Variants in PCDHGA5 observed in about 807,000 individuals in gnomAD.
PCDHGA5 encodes protocadherin gamma-A5.
PCDHGA5 carries 36 observed loss-of-function variants against 56.7 expected under a neutral mutation model. The ratio of observed to expected loss-of-function variants is 0.64; its 90% CI spans 0.49 to 0.84. The LOEUF (loss-of-function observed/expected upper bound fraction) is 0.84, where lower values mean the gene tolerates loss of function less well. Ranked by LOEUF, PCDHGA5 falls within the 40% of genes least tolerant of loss-of-function variation. The pLI is 0.00. For missense variants in PCDHGA5, 1,305 were observed against 1,201.5 expected (o/e 1.09, Z -1.27); for synonymous variants, 563 against 520.2 (o/e 1.08, Z -1.12).
rs1472806327 is a variant in PCDHGA5 at position 141,447,891 on chromosome 5, G to C, written c.2422-46916G>C. Among the ~76,000 whole-genome samples the C allele has an allele frequency of 1.3e-5, 2 of 152,080 alleles. 1 individual carries two copies. Among genetic ancestry groups the C allele is most frequent in the African/African-American group, 4.8e-5 (2 of 41,408 alleles). On this transcript the variant is annotated intron_variant, in intron 1 of 3. Coordinates refer to ENST00000518069, the MANE Select transcript of PCDHGA5 (RefSeq NM_018918.3). Reference sequence around the variant, plus strand: ...ATCTGAGGTCAGGAGTTCGAGACCAGCCTGGCCAACATGGTGAAACTCTGT... The same window carrying C: ...ATCTGAGGTCAGGAGTTCGAGACCACCCTGGCCAACATGGTGAAACTCTGT...
At chr5:141,456,171 A>ACAGGCG (rs1443838766) in intron 1 of PCDHGA5, among the ~76,000 whole-genome samples, 2 of 152,096 alleles carry the variant, frequency 1.3e-5, no homozygotes, top group East Asian at 3.9e-4. Flanking sequence ...TGCTGGGATT[A>ACAGGCG]CAGAATAATT....
At chr5:141,410,100 G>A in intron 1 of PCDHGA5, 1 of 1,612,736 alleles carries the variant, frequency 6.2e-7, no homozygotes, top group Non-Finnish European at 8.5e-7. Context: ...CGAGCCTTAG[G>A]CGACAGGGAC....
At chr5:141,460,087 A>T (rs2098981724) in intron 1 of PCDHGA5, among the ~76,000 whole-genome samples, 1 of 152,008 alleles carries the variant, frequency 6.6e-6, no homozygotes, top group African/African-American at 2.4e-5. Flanking sequence ...AAAAAATAAT[A>T]ATTATACATG....
At chr5:141,410,625 G>A (rs202058499) in intron 1 of PCDHGA5, 1 of 1,602,442 alleles carries the variant, frequency 6.2e-7, no homozygotes, top group Non-Finnish European at 8.5e-7. Flanking sequence ...ACTTCGGTGA[G>A]TTTCTCTTTT....
At position 141,490,742 on chromosome 5, in the gene PCDHGA5, C is replaced by A. The variant is rs1281337347; in HGVS notation, c.2422-4065C>A. 1.2e-6 allele frequency: 2 copies of A among 1,614,062 alleles called. No homozygotes were observed. Among genetic ancestry groups the A allele is most frequent in the Non-Finnish European group, 1.7e-6 (2 of 1,180,022 alleles). On this transcript the variant is annotated intron_variant, in intron 1 of 3. Coordinates refer to ENST00000518069, the MANE Select transcript of PCDHGA5 (RefSeq NM_018918.3). This position sits in a 1 kb window ranked among gnomAD's most constrained non-coding sequence, Gnocchi z 5.4. ...ATTGTAGGAAATCAGGTTCAGGGAGCCCCAGCCTCCTCCTTTGTGTATGTC... is the reference window on the plus strand; with the variant it reads ...ATTGTAGGAAATCAGGTTCAGGGAGACCCAGCCTCCTCCTTTGTGTATGTC...
At position 141,491,711 on chromosome 5, in the gene PCDHGA5, C is replaced by T. The variant is rs528931820; in HGVS notation, c.2422-3096C>T. 1.5e-5 allele frequency: 24 copies of T among 1,609,240 alleles called. No homozygotes were observed. In the African/African-American group the frequency reaches 1.7e-4, roughly 12 times the overall value. On this transcript the variant is annotated intron_variant, in intron 1 of 3. Transcript: ENST00000518069. This position sits in a 1 kb window ranked among gnomAD's most constrained non-coding sequence, Gnocchi z 6.9. ...CGGGAGCGGAGCCAGGTGAGGGGCT[C>T]GGCGCCGCCCCGGGCGACCCCTGGG... is the stretch of plus-strand genomic sequence containing the variant.
At chr5:141,403,891 A>T (rs779525294) in intron 1 of PCDHGA5, 17 of 1,613,752 alleles carry the variant, frequency 1.1e-5, no homozygotes, top group Admixed American at 1.0e-4. Flanking sequence ...AAGAATGTTC[A>T]TTTTATGAAA....
intron 1 of PCDHGA5, chr5:141,403,713 A>G (rs2094445702): frequency 2.5e-6 from 4 of 1,613,946 alleles, no homozygotes; most frequent in Non-Finnish European, 2.5e-6. Flanking sequence ...GTCCTTGAGA[A>G]CGTGCCCCCA....
chr5:141,383,807 C>T, intron 1 of PCDHGA5: 7 of 1,613,926 alleles, frequency 4.3e-6, no homozygotes, highest in Non-Finnish European at 5.9e-6. Flanking sequence ...GAAATATCAA[C>T]TTTAGAAGGA....
In PCDHGA5 at chr5:141,477,963, A is replaced by C; in HGVS notation, c.2422-16844A>C. ...TACAGTCTCTTGGGATCCCCTAACC[A>C]GAGCCTTTTTGCCATAGGGCTGCAC... On this transcript the variant is annotated intron_variant, in intron 1 of 3. Coordinates refer to ENST00000518069, the MANE Select transcript of PCDHGA5 (RefSeq NM_018918.3). The surrounding 1 kb of genome is among the most constrained non-coding windows in gnomAD (Gnocchi z 4.9). The C allele has an allele frequency of 1.2e-6, 2 of 1,614,118 alleles. No individual in the cohort carries two copies. The highest frequency in any genetic ancestry group is 1.7e-6 in the Non-Finnish European group (2 of 1,180,024).
chr5:141,370,507 C>T, intron 1 of PCDHGA5: 3 of 1,613,920 alleles, frequency 1.9e-6, no homozygotes, highest in Non-Finnish European at 2.5e-6. Context: ...TACGCTATTC[C>T]CGAGGAGCTG....
intron 1 of PCDHGA5, chr5:141,475,814 TC>T: frequency 3.0e-6 from 1 of 338,520 alleles, no homozygotes; most frequent in Non-Finnish European, 5.4e-6. Flanking sequence ...AAAGTGAAGT[TC>T]CTGGCGCTAG....
rs1374190670 is a variant in PCDHGA5 at position 141,487,196 on chromosome 5, G to C, written c.2422-7611G>C. ...GGAAGACACTCATCCAGTTGTCCCAGATCTTCGAGAATCTTCAGCTCCAAG... is the reference window on the plus strand; with the variant it reads ...GGAAGACACTCATCCAGTTGTCCCACATCTTCGAGAATCTTCAGCTCCAAG... On this transcript the variant is annotated intron_variant, in intron 1 of 3. Coordinates refer to ENST00000518069, the MANE Select transcript of PCDHGA5 (RefSeq NM_018918.3). The surrounding 1 kb of genome is among the most constrained non-coding windows in gnomAD (Gnocchi z 5.0). 6.2e-7 allele frequency: 1 copy of C among 1,613,878 alleles called. No homozygotes were observed. Among genetic ancestry groups the C allele is most frequent in the Admixed American group, 1.7e-5 (1 of 60,030 alleles).
intron 1 of PCDHGA5, among the ~76,000 whole-genome samples, chr5:141,442,967 G>T (rs553833025): frequency 1.3e-5 from 2 of 152,220 alleles, no homozygotes; most frequent in African/African-American, 2.4e-5. Context: ...AGACATTCTG[G>T]CTGATAAAGT....
rs1245731818 is a variant in PCDHGA5, at chr5:141,476,700, A to C, written c.2422-18107A>C. 1 of 1,614,096 alleles carries C rather than the reference A, an allele frequency of 6.2e-7. No homozygotes were observed. Among genetic ancestry groups the C allele is most frequent in the Non-Finnish European group, 8.5e-7 (1 of 1,180,016 alleles). On this transcript the variant is annotated intron_variant, in intron 1 of 3. Coordinates refer to ENST00000518069, the MANE Select transcript of PCDHGA5 (RefSeq NM_018918.3). This position sits in a 1 kb window ranked among gnomAD's most constrained non-coding sequence, Gnocchi z 7.6. Reference sequence around the variant, plus strand: ...CGGGAGGACAGCACCAAGTACGCGGAGCTGGTGTTGGAGCGCGCCCTGGAC... The same window carrying C: ...CGGGAGGACAGCACCAAGTACGCGGCGCTGGTGTTGGAGCGCGCCCTGGAC...
Position 141,477,016 on chromosome 5 carries a change from A to G in PCDHGA5, c.2422-17791A>G, listed in dbSNP as rs2099403497. Reference sequence around the variant, plus strand: ...GGCAACTATTCGCCTTAGACCTTGTAACCGGGATGCTGACAATCAAGGGTC... The same window carrying G: ...GGCAACTATTCGCCTTAGACCTTGTGACCGGGATGCTGACAATCAAGGGTC... On this transcript the variant is annotated intron_variant, in intron 1 of 3. Transcript: ENST00000518069. The surrounding 1 kb of genome is among the most constrained non-coding windows in gnomAD (Gnocchi z 4.9). 4.3e-6 allele frequency: 7 copies of G among 1,614,130 alleles called. No homozygotes were observed. The highest frequency in any genetic ancestry group is 5.9e-6 in the Non-Finnish European group (7 of 1,180,050).
At position 141,453,908 on chromosome 5, in the gene PCDHGA5, A is replaced by T. The variant is rs1198219869; in HGVS notation, c.2422-40899A>T. On this transcript the variant is annotated intron_variant, in intron 1 of 3. Transcript: ENST00000518069. ...CCAATCACATGACTTCTTTCAAAGT[A>T]TGTCAGTGATCAGTCACTGTGTGCC... Among the ~76,000 whole-genome samples, 4 of 152,242 alleles carry T rather than the reference A, an allele frequency of 2.6e-5. No homozygotes were observed. The East Asian group carries it at 5.8e-4, about 22-fold the overall frequency.
intron 1 of PCDHGA5, chr5:141,385,052 G>T (rs559398944): frequency 1.2e-6 from 2 of 1,614,152 alleles, no homozygotes; most frequent in South Asian, 2.2e-5. Context: ...AGGCTGCGGC[G>T]CTGGCACAAG....
intron 1 of PCDHGA5, chr5:141,398,967 C>T: frequency 6.2e-7 from 1 of 1,613,942 alleles, no homozygotes; most frequent in Non-Finnish European, 8.5e-7. Flanking sequence ...TTACTTATTC[C>T]TTCTACAGAA....
Sources: gnomAD v4.1 joint callset for allele counts (sites outside exome capture counted in the v4.1 genomes callset) on GRCh38, gnomAD v4.1.1 for gene constraint, Gnocchi (gnomAD v3.1) non-coding constraint, MANE v1.5 for transcripts, NCBI Gene and HGNC (gene_info 2026-07-23, HGNC 2026-07-21) for gene names.